LRP1B: variants seen among roughly 807,000 people sequenced by gnomAD.
The protein encoded by LRP1B is low-density lipoprotein receptor-related protein 1B.
A neutral mutation model predicts 556.6 loss-of-function variants in LRP1B; 217 were observed. The ratio of observed to expected loss-of-function variants is 0.39; its 90% CI spans 0.35 to 0.44. The LOEUF (loss-of-function observed/expected upper bound fraction) is 0.44. LRP1B is among the 20% of genes least tolerant of loss of function. The pLI is 1.00. For missense variants in LRP1B, 5,053 were observed against 5,620.8 expected, an observed-to-expected ratio of 0.90 and a Z score of 3.23; for synonymous variants, 2,047 against 1,865.8, an observed-to-expected ratio of 1.10 and a Z score of -2.50.
chr2:142,111,088 C>A (rs1416455438), intron 1 of LRP1B, among the ~76,000 whole-genome samples: 1 of 152,132 alleles, frequency 6.6e-6, no homozygotes, highest in Non-Finnish European at 1.5e-5. Flanking sequence ...CTAAACTTCA[C>A]TGATTTCTAA....
chr2:140,528,504 T>C (rs1178631699), intron 47 of LRP1B, among the ~76,000 whole-genome samples: 1 of 151,864 alleles, frequency 6.6e-6, no homozygotes, highest in African/African-American at 2.4e-5. Context: ...TTTTTTCCTA[T>C]TTTCCAAAAT....
chr2:140,418,404 T>G (rs1347334469), intron 66 of LRP1B, among the ~76,000 whole-genome samples: 1 of 152,188 alleles, frequency 6.6e-6, no homozygotes, highest in Non-Finnish European at 1.5e-5. Context: ...ATCGACTTTG[T>G]CTTTGCTAGA....
intron 23 of LRP1B, among the ~76,000 whole-genome samples, chr2:140,893,684 T>C (rs1693865497): frequency 6.6e-6 from 1 of 152,186 alleles, no homozygotes; most frequent in East Asian, 1.9e-4. Context: ...ATAATTAACT[T>C]GAAGAAATTC....
intron 41 of LRP1B, among the ~76,000 whole-genome samples, chr2:140,626,436 TA>T (rs1455217474): frequency 2.0e-5 from 3 of 152,170 alleles, no homozygotes; most frequent in Admixed American, 6.5e-5. Context: ...TGACGCAAGA[TA>T]GGGGCGGTTG....
At chr2:141,703,751 T>G (rs1692036155) in intron 2 of LRP1B, among the ~76,000 whole-genome samples, 1 of 152,026 alleles carries the variant, frequency 6.6e-6, no homozygotes, top group East Asian at 1.9e-4. Context: ...TTGCTGAGGA[T>G]GCATATAACA....
chr2:140,888,474 A>T (rs1302484130), intron 23 of LRP1B, among the ~76,000 whole-genome samples: 1 of 151,486 alleles, frequency 6.6e-6, no homozygotes, highest in Non-Finnish European at 1.5e-5. Context: ...TAGATGACCT[A>T]TGGCAGACTT....
At chr2:140,681,856 A>G (rs1369585154) in intron 41 of LRP1B, among the ~76,000 whole-genome samples, 1 of 152,224 alleles carries the variant, frequency 6.6e-6, no homozygotes, top group Non-Finnish European at 1.5e-5. Flanking sequence ...CACTAAAGAA[A>G]AAAAGGAGTA....
chr2:140,391,392 C>T (rs66557721), intron 66 of LRP1B, among the ~76,000 whole-genome samples: 19,984 of 152,030 alleles, frequency 0.13, 1,386 homozygotes, highest in African/African-American at 0.17. Flanking sequence ...GGAGAATTGA[C>T]TGAAAGGAGC....
chr2:140,514,799 A>T (rs1427216217), intron 50 of LRP1B, 27 bp from the exon 51 acceptor site: 1 of 1,598,556 alleles, frequency 6.3e-7, no homozygotes, highest in East Asian at 2.2e-5. Context: ...AGGAAAAAAA[A>T]AAATAGTTTG....
At chr2:141,810,851 C>A (rs1696331186) in intron 1 of LRP1B, among the ~76,000 whole-genome samples, 1 of 152,030 alleles carries the variant, frequency 6.6e-6, no homozygotes, top group African/African-American at 2.4e-5. Flanking sequence ...TCTGAGTATT[C>A]AGTTCTTAAC....
At chr2:141,461,086 G>A (rs549161313) in intron 3 of LRP1B, among the ~76,000 whole-genome samples, 41 of 152,060 alleles carry the variant, frequency 2.7e-4, no homozygotes, top group African/African-American at 9.4e-4. Flanking sequence ...AAAGCCATGA[G>A]AGTAAATGAG....
At chr2:141,414,215 C>G (rs369503443) in intron 3 of LRP1B, among the ~76,000 whole-genome samples, 1 of 122,198 alleles carries the variant, frequency 8.2e-6, no homozygotes, top group South Asian at 2.7e-4. Flanking sequence ...CCAGCCTGGG[C>G]GACAAGAGTG....
chr2:141,464,584 G>GTATATATATATATATA lies in LRP1B; in HGVS notation c.343+15796_343+15811dup, dbSNP rs1236041290. 2.7e-4 allele frequency among the ~76,000 whole-genome samples: 24 copies of GTATATATATATATATA among 88,412 alleles called. No individual in the cohort carries two copies. The East Asian group carries it at 4.0e-3, about 15-fold the overall frequency. 58.0% of individuals were successfully genotyped at this position (88,412 alleles called of 152,430 possible). On this transcript the variant is annotated intron_variant, in intron 3 of 90. Coordinates refer to ENST00000389484, the MANE Select transcript of LRP1B (RefSeq NM_018557.3). Reference sequence around the variant, plus strand: ...CCCGCCACCACGCCTGGCTAATTTTGTATATATATATATATATATATATTT... The same window carrying GTATATATATATATATA: ...CCCGCCACCACGCCTGGCTAATTTTGTATATATATATATATATATATATATATATATATATATATTT...
intron 21 of LRP1B, 24 bp from the exon 22 acceptor site, chr2:140,908,101 A>C (rs1453452544): frequency 6.3e-7 from 1 of 1,594,154 alleles, no homozygotes; most frequent in Admixed American, 1.7e-5. Context: ...AAATAGTGTC[A>C]GTTTGATTTT....
intron 77 of LRP1B, among the ~76,000 whole-genome samples, chr2:140,341,834 C>T (rs922838076): frequency 2.0e-5 from 3 of 151,098 alleles, no homozygotes; most frequent in Non-Finnish European, 4.4e-5. Flanking sequence ...TAGGGACATA[C>T]GATGATCAGG....
intron 7 of LRP1B, among the ~76,000 whole-genome samples, chr2:141,107,100 T>C (rs2104954273): frequency 6.6e-6 from 1 of 152,242 alleles, no homozygotes; most frequent in East Asian, 1.9e-4. Flanking sequence ...ACTTTGGAAA[T>C]AATTCCCTAA....
intron 41 of LRP1B, among the ~76,000 whole-genome samples, chr2:140,613,044 C>T (rs984721107): frequency 6.6e-6 from 1 of 150,640 alleles, no homozygotes; most frequent in Non-Finnish European, 1.5e-5. Flanking sequence ...TTCATGATTA[C>T]ATATGTTTTT....
chr2:141,974,019 G>A (rs1701816578), intron 1 of LRP1B, among the ~76,000 whole-genome samples: 1 of 151,878 alleles, frequency 6.6e-6, no homozygotes, highest in African/African-American at 2.4e-5. Context: ...TCTCTAGCAT[G>A]TACCAAATAT....
chr2:140,635,642 G>A (rs901929191), intron 41 of LRP1B, among the ~76,000 whole-genome samples: 2 of 151,794 alleles, frequency 1.3e-5, no homozygotes, highest in Admixed American at 6.6e-5. Flanking sequence ...TGTACTCTGA[G>A]TTTTATGTCC....
Sources: allele counts gnomAD v4.1 joint callset (sites outside exome capture counted in the v4.1 genomes callset), GRCh38; gene constraint gnomAD v4.1.1; transcripts MANE v1.5; gene names NCBI Gene and HGNC (gene_info 2026-07-23, HGNC 2026-07-21).